Variants in SEMA6A observed in about 807,000 individuals in gnomAD.
SEMA6A encodes semaphorin-6A.
SEMA6A carries 25 observed loss-of-function variants against 96.8 expected under a neutral mutation model. The ratio of observed to expected loss-of-function variants is 0.26; its 90% CI spans 0.19 to 0.36. The LOEUF is 0.36. Among genes scored for constraint, SEMA6A ranks in the 10% least tolerant of loss-of-function variants. The pLI is 1.00. For missense variants in SEMA6A, 1,363 were observed against 1,323.1 expected, an observed-to-expected ratio of 1.03 and a Z score of -0.47; for synonymous variants, 612 against 518.0, an observed-to-expected ratio of 1.18 and a Z score of -2.46.
chr5:116,512,440 A>T (rs1056307759), intron 1 of SEMA6A, among the ~76,000 whole-genome samples: 1 of 152,192 alleles, frequency 6.6e-6, no homozygotes, highest in African/African-American at 2.4e-5. Flanking sequence ...CCTAACTTCA[A>T]CACATTTTGG....
At chr5:116,481,039 A>G (rs559512383) in intron 11 of SEMA6A, among the ~76,000 whole-genome samples, 64 of 152,098 alleles carry the variant, frequency 4.2e-4, no homozygotes, top group Non-Finnish European at 6.8e-4. Flanking sequence ...AGGAGATTGG[A>G]CCCTCACGAC....
rs146287809 is a variant in SEMA6A, at chr5:116,544,071, G to A, written c.-39+30114C>T. Among the ~76,000 whole-genome samples, 313 of 152,172 alleles carry A rather than the reference G, an allele frequency of 2.1e-3. 2 individuals carry two copies. The highest frequency in any genetic ancestry group is 7.3e-3 in the African/African-American group (305 of 41,506). On this transcript the variant is annotated intron_variant, in intron 1 of 18. Transcript: ENST00000343348. ...CTTTGGCCCCTAATGAAATAACTGG[G>A]GTACTTGAATTTGAAGGCTCACCTT... is the stretch of plus-strand genomic sequence containing the variant.
At chr5:116,521,820 TA>T (rs1275988980) in intron 1 of SEMA6A, among the ~76,000 whole-genome samples, 2 of 152,176 alleles carry the variant, frequency 1.3e-5, no homozygotes, top group African/African-American at 4.8e-5. Context: ...GAAAAACATT[TA>T]AAACAAAGAC....
intron 1 of SEMA6A, among the ~76,000 whole-genome samples, chr5:116,521,875 A>T (rs1257297658): frequency 6.6e-6 from 1 of 152,118 alleles, no homozygotes; most frequent in Non-Finnish European, 1.5e-5. Context: ...GTTGTTATAC[A>T]CCAGAAAAAA....
chr5:116,488,034 A>G lies in SEMA6A; in HGVS notation c.744+74T>C, dbSNP rs577558280. The G allele has an allele frequency of 4.1e-6, 4 of 967,720 alleles. No individual in the cohort carries two copies. The East Asian group carries it at 1.0e-4, about 25-fold the overall frequency. 59.9% of individuals were successfully genotyped at this position (967,720 alleles called of 1,614,324 possible). On this transcript the variant is annotated intron_variant, in intron 9 of 18. Transcript: ENST00000343348. ...TATGGCTCTCATTTCAAGATCATTT[A>G]TAACAACATTTGACCAAAGGTGTGG...
chr5:116,572,451 T>A (rs1370833251), intron 1 of SEMA6A, among the ~76,000 whole-genome samples: 1 of 152,202 alleles, frequency 6.6e-6, no homozygotes, highest in Non-Finnish European at 1.5e-5. Context: ...TTGCCCCGGC[T>A]GTGAAGACAG....
At chr5:116,570,963 C>T (rs1003366394) in intron 1 of SEMA6A, among the ~76,000 whole-genome samples, 4 of 152,142 alleles carry the variant, frequency 2.6e-5, no homozygotes, top group Non-Finnish European at 5.9e-5. Context: ...CAATGTTACC[C>T]GCCTACTCAA....
In SEMA6A at chr5:116,496,276, G is replaced by T. The variant is rs1262940421; in HGVS notation, c.317C>A (p.Thr106Lys). Residue 106 changes from threonine (T) to lysine (K), a missense_variant, in exon 5 of 19, where the codon ACA (threonine) becomes AAA (lysine). By Grantham distance (78) the Thr-to-Lys change is moderately conservative (BLOSUM62 -1). Around this residue, in one of 2 missense-constraint regions of SEMA6A, gnomAD observed 480 missense variants for 559.5 expected, o/e 0.86. Transcript: ENST00000343348. ...CTTATGTTTTCCCTTCATTCTGCAT[G>T]TGTCTACATCGGCCTGTCTAGATTT... The part of the protein sequence containing the change: ...TWKSRQADVD[T>K]CRMKGKHKDE... 5 of 1,613,532 alleles carry T rather than the reference G, an allele frequency of 3.1e-6. No homozygotes were observed. Among genetic ancestry groups the T allele is most frequent in the Admixed American group, 1.7e-5 (1 of 59,988 alleles).
intron 1 of SEMA6A, among the ~76,000 whole-genome samples, chr5:116,556,637 C>T (rs1185041432): frequency 6.6e-6 from 1 of 152,136 alleles, no homozygotes; most frequent in Non-Finnish European, 1.5e-5. Flanking sequence ...ACCTCCAGAG[C>T]CCATACTTTT....
At chr5:116,487,663 G>A (rs939733818) in intron 9 of SEMA6A, among the ~76,000 whole-genome samples, 6 of 152,046 alleles carry the variant, frequency 3.9e-5, no homozygotes, top group African/African-American at 9.7e-5. Context: ...TCAGGAGTTC[G>A]AGACCACCCT....
chr5:116,509,161 C>G (rs1207248933), intron 1 of SEMA6A, among the ~76,000 whole-genome samples: 1 of 152,174 alleles, frequency 6.6e-6, no homozygotes, highest in Non-Finnish European at 1.5e-5. Flanking sequence ...GACATGGCAG[C>G]ATCTTCCAGA....
Position 116,475,535 on chromosome 5 carries a change from C to T in SEMA6A, c.1708+10G>A. On this transcript the variant is annotated intron_variant, in intron 16 of 18. Transcript: ENST00000343348. The stretch of plus-strand genomic sequence containing the variant: ...CCCAAAGATAAAAATGGATAAAAGA[C>T]TGTACTTACTGTGACAGTCCCCCAG... 2 of 1,585,174 alleles carry T rather than the reference C, an allele frequency of 1.3e-6. No homozygotes were observed. Among genetic ancestry groups the T allele is most frequent in the Non-Finnish European group, 1.7e-6 (2 of 1,162,906 alleles).
chr5:116,505,032 G>T, intron 1 of SEMA6A, 50 bp from the exon 2 acceptor site: 1 of 826,886 alleles, frequency 1.2e-6, no homozygotes, highest in Non-Finnish European at 2.0e-6. Flanking sequence ...TTTGTTCAAT[G>T]CCATAAAATG....
At chr5:116,523,020 A>G (rs1344578086) in intron 1 of SEMA6A, among the ~76,000 whole-genome samples, 3 of 152,182 alleles carry the variant, frequency 2.0e-5, no homozygotes, top group African/African-American at 7.2e-5. Context: ...GGCAGTGTGG[A>G]GAGGTGCCCA....
At chr5:116,474,309 C>CAT (rs1554083493) in intron 16 of SEMA6A, among the ~76,000 whole-genome samples, 18 of 148,094 alleles carry the variant, frequency 1.2e-4, no homozygotes, top group Admixed American at 1.1e-3. Context: ...CACACACACA[C>CAT]ATCTTAAAAC....
intron 1 of SEMA6A, among the ~76,000 whole-genome samples, chr5:116,545,610 T>C (rs1760154604): frequency 6.6e-6 from 1 of 152,208 alleles, no homozygotes; most frequent in Admixed American, 6.5e-5. Context: ...AGGTGTGCTC[T>C]GGCCGTGTTC....
At chr5:116,560,291 G>C (rs1760770489) in intron 1 of SEMA6A, among the ~76,000 whole-genome samples, 1 of 152,144 alleles carries the variant, frequency 6.6e-6, no homozygotes, top group Admixed American at 6.5e-5. Flanking sequence ...CCTTAGACTA[G>C]AAAGACTTTT....
intron 7 of SEMA6A, 67 bp from the exon 8 acceptor site, chr5:116,489,074 G>A: frequency 1.4e-6 from 2 of 1,473,634 alleles, no homozygotes; most frequent in South Asian, 2.8e-5. Flanking sequence ...GAATAATAAA[G>A]ACATCCCCTA....
chr5:116,450,632 A>G (rs1216922160), intron 18 of SEMA6A, among the ~76,000 whole-genome samples: 1 of 152,224 alleles, frequency 6.6e-6, no homozygotes, highest in African/African-American at 2.4e-5. Flanking sequence ...ATTTGAGTTC[A>G]GGTTTTTGGT....
Sources: allele counts gnomAD v4.1 joint callset (sites outside exome capture counted in the v4.1 genomes callset), GRCh38; gene constraint gnomAD v4.1.1; regional missense constraint gnomAD v4.1.1; transcripts MANE v1.5; gene names NCBI Gene and HGNC (gene_info 2026-07-23, HGNC 2026-07-21).